The following SETD7 variants were observed in gnomAD, a reference collection of about 807,000 sequenced individuals.
The protein encoded by SETD7 is histone-lysine N-methyltransferase SETD7.
In SETD7, 16 loss-of-function variants were observed where a neutral mutation model predicts 41.8. That is an observed-to-expected ratio of 0.38 (90% CI 0.26 to 0.58). The LOEUF (loss-of-function observed/expected upper bound fraction) is 0.58. SETD7 is among the 20% of genes least tolerant of loss of function. The pLI is 0.64. For missense variants in SETD7, 346 were observed against 459.7 expected, an observed-to-expected ratio of 0.75 and a Z score of 2.26; for synonymous variants, 163 against 169.7, an observed-to-expected ratio of 0.96 and a Z score of 0.31.
intron 7 of SETD7, among the ~76,000 whole-genome samples, chr4:139,514,357 G>A (rs1032598689): frequency 5.3e-5 from 8 of 151,830 alleles, no homozygotes; most frequent in African/African-American, 1.9e-4. Flanking sequence ...TTAACCTCTG[G>A]TACACTGAAA....
chr4:139,552,375 C>T (rs1004733950), intron 1 of SETD7, among the ~76,000 whole-genome samples: 11 of 152,142 alleles, frequency 7.2e-5, no homozygotes, highest in African/African-American at 2.7e-4. Context: ...TCCATGTCTC[C>T]TACACATTTC....
At chr4:139,543,702 C>T (rs905402200) in intron 2 of SETD7, among the ~76,000 whole-genome samples, 47 of 151,420 alleles carry the variant, frequency 3.1e-4, no homozygotes, top group Non-Finnish European at 5.6e-4. Context: ...CCCGTAATCC[C>T]AGCACTTTGG....
intron 6 of SETD7, among the ~76,000 whole-genome samples, chr4:139,518,974 C>T (rs1246035349): frequency 6.6e-6 from 1 of 152,212 alleles, no homozygotes; most frequent in Non-Finnish European, 1.5e-5. Context: ...ACCATTTCCC[C>T]CACTATTAAA....
exon 8 of SETD7, chr4:139,496,088 T>C: frequency 3.4e-6 from 1 of 295,750 alleles, no homozygotes. Flanking sequence ...ACTTCCCTTA[T>C]CTCCCATATT....
At chr4:139,523,523 G>T in intron 4 of SETD7, 88 bp from the exon 5 acceptor site, 1 of 896,918 alleles carries the variant, frequency 1.1e-6, no homozygotes, top group Non-Finnish European at 1.7e-6. Flanking sequence ...ACAACGAAGA[G>T]TTAAAAAACC....
chr4:139,529,733 A>C (rs764786984), intron 3 of SETD7, among the ~76,000 whole-genome samples: 1 of 152,236 alleles, frequency 6.6e-6, no homozygotes, highest in Admixed American at 6.5e-5. Flanking sequence ...AAATGTACTT[A>C]AGAATTAATT....
In SETD7 at chr4:139,556,005, G is replaced by C. The variant is rs1579231130; in HGVS notation, c.40+93C>G. The C allele has an allele frequency of 3.8e-6, 5 of 1,322,380 alleles. No homozygotes were observed. The East Asian group carries it at 1.5e-4, about 40-fold the overall frequency. The allele number at this position is 1,322,380 out of a possible 1,614,324, so 81.9% of individuals were successfully genotyped here. ...CCGTGTAGGGGACAGTGGCGGCCGC[G>C]GGGCCCGGCGCCGCGCTGTTCGCAG... On this transcript the variant is annotated intron_variant, in intron 1 of 7. Transcript: ENST00000274031.
At chr4:139,533,475 T>C (rs1468884751) in intron 2 of SETD7, 109 bp from the exon 3 acceptor site, 6 of 918,624 alleles carry the variant, frequency 6.5e-6, no homozygotes, top group East Asian at 2.6e-5. Context: ...AGCCCTGACA[T>C]GGATTCAGCG....
chr4:139,551,755 T>C (rs1728116587), intron 1 of SETD7, among the ~76,000 whole-genome samples: 1 of 152,172 alleles, frequency 6.6e-6, no homozygotes, highest in African/African-American at 2.4e-5. Flanking sequence ...GCGCGGTGGC[T>C]CATGCCTGTA....
intron 2 of SETD7, among the ~76,000 whole-genome samples, chr4:139,535,037 G>C (rs1399557822): frequency 6.6e-6 from 1 of 152,066 alleles, no homozygotes; most frequent in Non-Finnish European, 1.5e-5. Context: ...AGAGAATAAA[G>C]TGCACTTTAG....
At position 139,509,770 on chromosome 4, in the gene SETD7, T is replaced by C. The variant is rs1726819024; in HGVS notation, c.*1893A>G. ...ACGGTCTCTTTCTACAGAGTAAGAG[T>C]GACCCTATCCTGGTGCCTTTAAATC... On this transcript the variant is annotated 3_prime_UTR_variant, in exon 8 of 8. Coordinates refer to ENST00000274031, the MANE Select transcript of SETD7 (RefSeq NM_030648.4). 2.0e-6 allele frequency: 2 copies of C among 985,398 alleles called. No homozygotes were observed. Among genetic ancestry groups the C allele is most frequent in the Non-Finnish European group, 2.4e-6 (2 of 829,950 alleles). 61.0% of individuals were successfully genotyped at this position (985,398 alleles called of 1,614,324 possible). A position where few individuals can be genotyped will look rare whatever the true frequency, so the allele number is the denominator to read the frequency against.
At chr4:139,515,026 C>T (rs561939611) in intron 7 of SETD7, among the ~76,000 whole-genome samples, 28 of 152,114 alleles carry the variant, frequency 1.8e-4, no homozygotes, top group Admixed American at 3.9e-4. Context: ...ATCAGCCAGG[C>T]GTGATGGCGC....
At chr4:139,518,237 T>C (rs1439376598) in intron 6 of SETD7, among the ~76,000 whole-genome samples, 195 bp from the exon 7 acceptor site, 1 of 152,238 alleles carries the variant, frequency 6.6e-6, no homozygotes, top group Admixed American at 6.5e-5. Flanking sequence ...CAAGCGACTC[T>C]TGTGCCTCAG....
downstream of SETD7, among the ~76,000 whole-genome samples, chr4:139,502,435 G>A (rs1726600242): frequency 6.6e-6 from 1 of 152,216 alleles, no homozygotes; most frequent in Non-Finnish European, 1.5e-5. Flanking sequence ...TGAAGGGCAC[G>A]AGGGCAGAGC....
chr4:139,523,815 G>T (rs1408538110), intron 4 of SETD7, among the ~76,000 whole-genome samples: 1 of 152,210 alleles, frequency 6.6e-6, no homozygotes, highest in East Asian at 1.9e-4. Flanking sequence ...TACAGATACA[G>T]TCTACAGAAT....
chr4:139,520,534 A>T, intron 5 of SETD7, 140 bp from the exon 6 acceptor site: 1 of 506,030 alleles, frequency 2.0e-6, no homozygotes, highest in Non-Finnish European at 3.5e-6. Flanking sequence ...AGGAAGAAAA[A>T]GTTAAACCAC....
chr4:139,552,515 A>G (rs1021903442), intron 1 of SETD7, among the ~76,000 whole-genome samples: 1 of 152,046 alleles, frequency 6.6e-6, no homozygotes, highest in African/African-American at 2.4e-5. Flanking sequence ...CTCTTCCCGG[A>G]GTGGAGCCTT....
chr4:139,509,295 C>G lies in SETD7; in HGVS notation c.*2368G>C, dbSNP rs1397271021. On this transcript the variant is annotated 3_prime_UTR_variant, in exon 8 of 8. Transcript: ENST00000274031. Reference sequence around the variant, plus strand: ...AGGCTCAGCGTGGATGCATTGCTTCCTCTGATTTGCGTGGAGGTCACAGAC... The same window carrying G: ...AGGCTCAGCGTGGATGCATTGCTTCGTCTGATTTGCGTGGAGGTCACAGAC... 6.6e-6 allele frequency: 1 copy of G among 152,176 alleles called. No individual in the cohort carries two copies. Among genetic ancestry groups the G allele is most frequent in the East Asian group, 1.9e-4 (1 of 5,196 alleles). The allele number at this position is 152,176 out of a possible 1,614,324, so 9.4% of individuals were successfully genotyped here. A position where few individuals can be genotyped will look rare whatever the true frequency, so the allele number is the denominator to read the frequency against.
downstream of SETD7, among the ~76,000 whole-genome samples, chr4:139,505,618 G>A (rs114104574): frequency 6.6e-6 from 1 of 152,166 alleles, no homozygotes; most frequent in African/African-American, 2.4e-5. Flanking sequence ...AATGTTGACT[G>A]TGATTAGGGC....
Sources: gnomAD v4.1 joint callset for allele counts (sites outside exome capture counted in the v4.1 genomes callset) on GRCh38, gnomAD v4.1.1 for gene constraint, MANE v1.5 for transcripts, NCBI Gene and HGNC (gene_info 2026-07-23, HGNC 2026-07-21) for gene names.